CYB5RL: variants seen among roughly 807,000 people sequenced by gnomAD.
CYB5RL encodes cytochrome b5 reductase like, also known as NADH-cytochrome b5 reductase-like.
A neutral mutation model predicts 37.5 loss-of-function variants in CYB5RL; 38 were observed. The observed-to-expected ratio is 1.01, with a 90% CI of 0.78 to 1.33. CYB5RL has a LOEUF of 1.33. CYB5RL is among the 40% of genes most tolerant of loss of function. The probability of loss-of-function intolerance (pLI) is 0.00; values close to 1 mark genes in which losing one functional copy is unlikely to be tolerated. For missense variants in CYB5RL, 388 were observed against 394.4 expected (o/e 0.98, Z 0.14); for synonymous variants, 141 against 151.9 (o/e 0.93, Z 0.53).
intron 1 of CYB5RL, among the ~76,000 whole-genome samples, chr1:54,197,668 T>G (rs1644021464): frequency 6.6e-6 from 1 of 152,128 alleles, no homozygotes; most frequent in Non-Finnish European, 1.5e-5. Context: ...TTTGACTGGC[T>G]AGGGTTTTCT....
At chr1:54,179,831 G>A (rs1036221434) in intron 6 of CYB5RL, among the ~76,000 whole-genome samples, 3 of 152,110 alleles carry the variant, frequency 2.0e-5, no homozygotes, top group African/African-American at 4.8e-5. Flanking sequence ...CTGCCCCAGG[G>A]TACCTCTGCA....
Position 54,171,714 on chromosome 1 carries a change from G to C in CYB5RL, c.*2905C>G. On this transcript the variant is annotated 3_prime_UTR_variant, in exon 8 of 8. Transcript: ENST00000534324. Reference sequence around the variant, plus strand: ...CCCTTCTCCTACTACAACATCACACGGTGGCCACGCCTCCCACAACACGCA... The same window carrying C: ...CCCTTCTCCTACTACAACATCACACCGTGGCCACGCCTCCCACAACACGCA... 3.0e-6 allele frequency: 1 copy of C among 332,504 alleles called. No individual in the cohort carries two copies. The highest frequency in any genetic ancestry group is 6.0e-6 in the Non-Finnish European group (1 of 167,558). 20.6% of individuals were successfully genotyped at this position (332,504 alleles called of 1,614,324 possible).
intron 4 of CYB5RL, among the ~76,000 whole-genome samples, chr1:54,189,029 A>C (rs1400305205): frequency 6.6e-6 from 1 of 152,084 alleles, no homozygotes; most frequent in Non-Finnish European, 1.5e-5. Context: ...CTAAATATAC[A>C]AAAATTAGCT....
Position 54,195,459 on chromosome 1 carries a change from G to C in CYB5RL, c.158C>G (p.Ala53Gly). The change falls in exon 3 of 8, where the codon GCC becomes GGC. Residue 53 changes from alanine (A) to glycine (G), a missense_variant. Transcript: ENST00000534324. The part of the protein sequence containing the change: ...RDLARWEAAQ[A>G]SKDRSLLRGP... ...ACGCAGCAGGCTCCTGTCCTTGCTG[G>C]CTTGGGCTGCCTCCCACCTTGCCAG... The C allele has an allele frequency of 1.2e-6, 2 of 1,611,776 alleles. No homozygotes were observed. Among genetic ancestry groups the C allele is most frequent in the South Asian group, 1.1e-5 (1 of 90,910 alleles).
chr1:54,174,821 T>C lies in CYB5RL; in HGVS notation c.746A>G (p.Glu249Gly). 1 of 1,612,326 alleles carries C rather than the reference T, an allele frequency of 6.2e-7. No homozygotes were observed. Among genetic ancestry groups the C allele is most frequent in the Non-Finnish European group, 8.5e-7 (1 of 1,179,814 alleles). ...CCAGGGAAGCTGCTCTGAGGAGCTC[T>C]CCTGGGAAGACAAGAAAGGCATGGG... ...NVRTFFVLSQ[E>G]SSSEQLPWSY... Residue 249 changes from glutamate (E) to glycine (G), a missense_variant and splice_region_variant, in exon 8 of 8, where the codon GAG becomes GGG. Coordinates refer to ENST00000534324, the MANE Select transcript of CYB5RL (RefSeq NM_001031672.4).
chr1:54,184,264 C>A lies in CYB5RL; in HGVS notation c.437G>T (p.Cys146Phe). 6.2e-7 allele frequency: 1 copy of A among 1,613,092 alleles called. No homozygotes were observed. Among genetic ancestry groups the A allele is most frequent in the Non-Finnish European group, 8.5e-7 (1 of 1,179,486 alleles). The change falls in exon 6 of 8, where the codon TGC becomes TTC. Residue 146 changes from cysteine to phenylalanine, a missense_variant and splice_region_variant. Transcript: ENST00000534324. ...CCGGGACATCAGCCCCATCTGGTAG[C>A]ACTGGAAGCAAACACAGGGAGACGT... is the stretch of plus-strand genomic sequence containing the variant. ...AEGYFEVLIK[C>F]YQMGLMSRYV...
chr1:54,193,830 C>G (rs911916662), intron 3 of CYB5RL, among the ~76,000 whole-genome samples: 1 of 151,182 alleles, frequency 6.6e-6, no homozygotes, highest in Non-Finnish European at 1.5e-5. Context: ...ATTAGCCGGG[C>G]GTGGTGGTAG....
At position 54,195,653 on chromosome 1, in the gene CYB5RL, T is replaced by A; in HGVS notation, c.-37A>T. On this transcript the variant is annotated 5_prime_UTR_variant, in exon 3 of 8. Transcript: ENST00000534324. ...GGGCAGCCTAGAAGGAACAACTGGG[T>A]GCTCTTCCAGAACAGGCCAGGCTCT... is the stretch of plus-strand genomic sequence containing the variant. The A allele has an allele frequency of 1.3e-6, 2 of 1,569,506 alleles. No homozygotes were observed. The highest frequency in any genetic ancestry group is 1.7e-6 in the Non-Finnish European group (2 of 1,153,414).
intron 1 of CYB5RL, among the ~76,000 whole-genome samples, chr1:54,199,518 T>C (rs1644055011): frequency 6.6e-6 from 1 of 152,224 alleles, no homozygotes; most frequent in South Asian, 2.1e-4. Context: ...ACATCTCCCA[T>C]CTGTCTTATT....
intron 6 of CYB5RL, among the ~76,000 whole-genome samples, chr1:54,181,814 G>A (rs532300610): frequency 3.9e-5 from 6 of 152,302 alleles, no homozygotes; most frequent in South Asian, 2.1e-4. Context: ...TTAGCTGGGC[G>A]TGGTGATACA....
intron 7 of CYB5RL, among the ~76,000 whole-genome samples, chr1:54,178,060 A>G (rs2100459049): frequency 6.6e-6 from 1 of 152,254 alleles, no homozygotes; most frequent in South Asian, 2.1e-4. Context: ...CTTTGGCTCC[A>G]TTCTCATTCC....
At chr1:54,182,216 C>T (rs1010155360) in intron 6 of CYB5RL, among the ~76,000 whole-genome samples, 1 of 152,152 alleles carries the variant, frequency 6.6e-6, no homozygotes, top group Non-Finnish European at 1.5e-5. Context: ...ATGCATAGCA[C>T]ATATCTGTAG....
intron 6 of CYB5RL, 146 bp downstream of exon 6, chr1:54,184,015 T>G (rs1260401508): frequency 1.9e-6 from 1 of 520,382 alleles, no homozygotes; most frequent in Non-Finnish European, 3.4e-6. Context: ...AAGTGTCTAT[T>G]CCATCTTCTC....
At chr1:54,194,668 T>C (rs1328832329) in intron 3 of CYB5RL, among the ~76,000 whole-genome samples, 1 of 151,978 alleles carries the variant, frequency 6.6e-6, no homozygotes, top group Non-Finnish European at 1.5e-5. Flanking sequence ...AAAAAGTGAT[T>C]ACGATGCCAG....
At position 54,173,204 on chromosome 1, in the gene CYB5RL, A is replaced by G. The variant is rs1029507268; in HGVS notation, c.*1415T>C. On this transcript the variant is annotated 3_prime_UTR_variant, in exon 8 of 8. Coordinates refer to ENST00000534324, the MANE Select transcript of CYB5RL (RefSeq NM_001031672.4). The stretch of plus-strand genomic sequence containing the variant: ...GTGTCACAATTATTTATTAAATGTG[A>G]CACAGCAGAGAGATTTGTTGCCATT... The G allele has an allele frequency of 5.3e-5, 8 of 152,204 alleles. No homozygotes were observed. Among genetic ancestry groups the G allele is most frequent in the African/African-American group, 1.9e-4 (8 of 41,436 alleles). The allele number at this position is 152,204 out of a possible 1,614,324, so 9.4% of individuals were successfully genotyped here. A position where few individuals can be genotyped will look rare whatever the true frequency, so the allele number is the denominator to read the frequency against.
chr1:54,174,810 C>A lies in CYB5RL; in HGVS notation c.757G>T (p.Glu253Ter). The change falls in exon 8 of 8, where the codon GAG becomes TAG. Residue 253 changes from glutamate (E) to a stop codon, truncating the protein, a stop_gained. Coordinates refer to ENST00000534324, the MANE Select transcript of CYB5RL (RefSeq NM_001031672.4). LOFTEE classifies it high-confidence loss of function. ...TCTTGGTAACTCCAGGGAAGCTGCT[C>A]TGAGGAGCTCTCCTGGGAAGACAAG... ...FFVLSQESSS[E>*]QLPWSYQEKT... The A allele has an allele frequency of 6.2e-7, 1 of 1,613,190 alleles. No homozygotes were observed.
chr1:54,177,226 C>G (rs944039576), intron 7 of CYB5RL, among the ~76,000 whole-genome samples: 2 of 151,970 alleles, frequency 1.3e-5, no homozygotes, highest in Non-Finnish European at 2.9e-5. Flanking sequence ...GTGGCTGGTA[C>G]GGGGAGACTC....
intron 6 of CYB5RL, chr1:54,179,940 G>A (rs767278409): frequency 4.2e-5 from 19 of 453,936 alleles, no homozygotes; most frequent in Middle Eastern, 6.8e-4. Context: ...GCACAAAAGA[G>A]TCACTTGAAA....
At chr1:54,199,882 C>A (rs1449743586) in intron 1 of CYB5RL, 94 bp downstream of exon 1, 3 of 241,238 alleles carry the variant, frequency 1.2e-5, no homozygotes, top group Non-Finnish European at 7.9e-6. Context: ...AAGGGAAGTG[C>A]CTTCCCAAGC....
Sources: gnomAD v4.1 joint callset for allele counts (sites outside exome capture counted in the v4.1 genomes callset) on GRCh38, gnomAD v4.1.1 for gene constraint, MANE v1.5 for transcripts, NCBI Gene and HGNC (gene_info 2026-07-23, HGNC 2026-07-21) for gene names.